The following CLSTN2 variants were observed in gnomAD, a reference collection of about 807,000 sequenced individuals.
CLSTN2 encodes calsyntenin-2.
CLSTN2 carries 48 observed loss-of-function variants against 101.2 expected under a neutral mutation model. The ratio of observed to expected loss-of-function variants is 0.47; its 90% CI spans 0.38 to 0.60. The LOEUF (loss-of-function observed/expected upper bound fraction) is 0.60. Ranked by LOEUF, CLSTN2 falls within the 20% of genes least tolerant of loss-of-function variation. The pLI is 0.00. For missense variants in CLSTN2, 1,160 were observed against 1,238.2 expected, an observed-to-expected ratio of 0.94 and a Z score of 0.95; for synonymous variants, 481 against 463.6, an observed-to-expected ratio of 1.04 and a Z score of -0.48.
At chr3:139,949,818 T>G (rs1386192205) in intron 1 of CLSTN2, among the ~76,000 whole-genome samples, 2 of 152,170 alleles carry the variant, frequency 1.3e-5, no homozygotes, top group African/African-American at 4.8e-5. Flanking sequence ...ATTCCTTGGG[T>G]CCTCCTTGCT....
intron 1 of CLSTN2, among the ~76,000 whole-genome samples, chr3:140,156,040 G>A (rs1487231123): frequency 6.6e-6 from 1 of 152,042 alleles, no homozygotes; most frequent in Non-Finnish European, 1.5e-5. Context: ...TCCTTCTTCA[G>A]CGTTGTTACT....
At chr3:140,280,100 G>A (rs943644230) in intron 2 of CLSTN2, among the ~76,000 whole-genome samples, 2 of 152,232 alleles carry the variant, frequency 1.3e-5, no homozygotes, top group African/African-American at 4.8e-5. Context: ...AAGAGTGAGA[G>A]TGTCAAACTG....
At chr3:140,053,374 A>G (rs1417103751) in intron 1 of CLSTN2, among the ~76,000 whole-genome samples, 1 of 152,138 alleles carries the variant, frequency 6.6e-6, no homozygotes, top group African/African-American at 2.4e-5. Context: ...GGTTCTCCGG[A>G]GTTACTGGAT....
chr3:140,443,316 C>T (rs987290649), intron 5 of CLSTN2, among the ~76,000 whole-genome samples: 16 of 152,344 alleles, frequency 1.1e-4, no homozygotes, highest in Non-Finnish European at 1.2e-4. Flanking sequence ...GAACAATGGA[C>T]GGAACGTCTT....
At chr3:140,236,865 AT>A in intron 2 of CLSTN2, among the ~76,000 whole-genome samples, 2 of 84,962 alleles carry the variant, frequency 2.4e-5, no homozygotes, top group Non-Finnish European at 5.3e-5. Context: ...GTGTGTGTGT[AT>A]ATAAATTTCA....
At chr3:139,961,321 G>A (rs1935505202) in intron 1 of CLSTN2, among the ~76,000 whole-genome samples, 1 of 152,158 alleles carries the variant, frequency 6.6e-6, no homozygotes, top group Non-Finnish European at 1.5e-5. Flanking sequence ...TTATGAATGT[G>A]TCATCATTGT....
chr3:140,476,623 G>A (rs1392529846), intron 8 of CLSTN2, among the ~76,000 whole-genome samples: 1 of 149,174 alleles, frequency 6.7e-6, no homozygotes, highest in African/African-American at 2.5e-5. Context: ...CAGATTTCAA[G>A]TTCAGCTCAT....
chr3:140,146,271 A>G (rs747328444), intron 1 of CLSTN2, among the ~76,000 whole-genome samples: 1 of 152,270 alleles, frequency 6.6e-6, no homozygotes, highest in African/African-American at 2.4e-5. Context: ...AAGTTGCTGA[A>G]CACACAATAA....
intron 2 of CLSTN2, among the ~76,000 whole-genome samples, chr3:140,264,412 A>C (rs2086678296): frequency 1.5e-5 from 1 of 65,592 alleles, no homozygotes; most frequent in African/African-American, 4.9e-5. Context: ...ATATATATAT[A>C]TATATATATA....
chr3:139,944,774 T>C (rs1935189858), intron 1 of CLSTN2, among the ~76,000 whole-genome samples: 1 of 152,224 alleles, frequency 6.6e-6, no homozygotes, highest in African/African-American at 2.4e-5. Flanking sequence ...GCTTCCTTCC[T>C]TTGGTCATGG....
intron 1 of CLSTN2, among the ~76,000 whole-genome samples, chr3:140,166,757 CAA>C (rs2010141291): frequency 6.6e-6 from 1 of 152,082 alleles, no homozygotes; most frequent in Admixed American, 6.5e-5. Context: ...TGCATGAGTG[CAA>C]AGACACGGGC....
chr3:140,500,824 A>ATTAT (rs1934561561), intron 8 of CLSTN2, among the ~76,000 whole-genome samples: 1 of 152,246 alleles, frequency 6.6e-6, no homozygotes, highest in South Asian at 2.1e-4. Flanking sequence ...ATAATAAAGT[A>ATTAT]TTATTTTATT....
intron 8 of CLSTN2, among the ~76,000 whole-genome samples, chr3:140,531,206 C>A (rs1484353407): frequency 6.6e-6 from 1 of 152,172 alleles, no homozygotes. Flanking sequence ...TCTGTCTGGA[C>A]CCCTCCTGCT....
chr3:140,160,013 G>A (rs148614252), intron 1 of CLSTN2, among the ~76,000 whole-genome samples: 1 of 152,150 alleles, frequency 6.6e-6, no homozygotes, highest in African/African-American at 2.4e-5. Flanking sequence ...ACTAGAAGGG[G>A]AAAGTAGCAT....
At chr3:140,052,734 C>T (rs1044557121) in intron 1 of CLSTN2, among the ~76,000 whole-genome samples, 1 of 152,152 alleles carries the variant, frequency 6.6e-6, no homozygotes, top group Non-Finnish European at 1.5e-5. Flanking sequence ...CCAACTCTGC[C>T]CAGCTGATAC....
At chr3:140,107,643 A>G (rs960927579) in intron 1 of CLSTN2, among the ~76,000 whole-genome samples, 2 of 152,146 alleles carry the variant, frequency 1.3e-5, no homozygotes, top group Non-Finnish European at 2.9e-5. Flanking sequence ...TTGTCTCATC[A>G]ACCAGTAGCT....
At chr3:140,171,868 AATATATAATATAT>A (rs2010241440) in intron 1 of CLSTN2, among the ~76,000 whole-genome samples, 1 of 124,484 alleles carries the variant, frequency 8.0e-6, no homozygotes. Context: ...ATATAATAAC[AATATATAATATAT>A]ATATTATATA....
chr3:140,286,779 C>T (rs2086899500), intron 2 of CLSTN2, among the ~76,000 whole-genome samples: 1 of 152,082 alleles, frequency 6.6e-6, no homozygotes, highest in Admixed American at 6.6e-5. Flanking sequence ...GGAAGATAGC[C>T]CTGGATAGAA....
chr3:140,045,379 A>G (rs564838309), intron 1 of CLSTN2, among the ~76,000 whole-genome samples: 1 of 151,988 alleles, frequency 6.6e-6, no homozygotes, highest in African/African-American at 2.4e-5. Context: ...TATCCCCTTT[A>G]TCATTTTTTG....
Sources: allele counts gnomAD v4.1 joint callset (sites outside exome capture counted in the v4.1 genomes callset), GRCh38; gene constraint gnomAD v4.1.1; transcripts MANE v1.5; gene names NCBI Gene and HGNC (gene_info 2026-07-23, HGNC 2026-07-21).